MECOM: variants seen among roughly 807,000 people sequenced by gnomAD.
MECOM encodes the protein histone-lysine N-methyltransferase MECOM.
Under a neutral mutation model 116.3 loss-of-function variants are expected in MECOM, and 13 were observed. That is an observed-to-expected ratio of 0.11 (90% confidence interval 0.07 to 0.18). The LOEUF (loss-of-function observed/expected upper bound fraction) is 0.18, where lower values mean the gene tolerates loss of function less well. Ranked by LOEUF, MECOM falls within the 10% of genes least tolerant of loss-of-function variation. The pLI, the probability that MECOM is intolerant of heterozygous loss-of-function variation, is 1.00. For missense variants in MECOM, 1,299 were observed against 1,509.0 expected (o/e 0.86, Z 2.31); for synonymous variants, 528 against 535.2 (o/e 0.99, Z 0.19).
At chr3:169,419,170 A>G (rs1413612435) in intron 1 of MECOM, among the ~76,000 whole-genome samples, 2 of 152,240 alleles carry the variant, frequency 1.3e-5, no homozygotes, top group Non-Finnish European at 2.9e-5. Context: ...TAAAATACGT[A>G]GAAATACAAA....
intron 2 of MECOM, among the ~76,000 whole-genome samples, chr3:169,263,120 TA>T (rs1757790776): frequency 2.5e-4 from 22 of 88,212 alleles, no homozygotes; most frequent in African/African-American, 9.2e-4. Context: ...TATATATATA[TA>T]TATATATGTT....
Position 169,611,898 on chromosome 3 carries a change from T to C in MECOM, c.37+51438A>G, listed in dbSNP as rs1769320239. ...TCATAATATCTATGATCCTCCAGAG[T>C]CTAGAACACGGTTTCTAAATCTCAA... On this transcript the variant is annotated intron_variant, in intron 1 of 16. Coordinates refer to ENST00000651503, the MANE Select transcript of MECOM (RefSeq NM_004991.4). The surrounding 1 kb of genome is among the most constrained non-coding windows in gnomAD (Gnocchi z 4.1). Among the ~76,000 whole-genome samples the C allele has an allele frequency of 6.6e-6, 1 of 152,126 alleles. No homozygotes were observed. The highest frequency in any genetic ancestry group is 2.1e-4 in the South Asian group (1 of 4,816).
At chr3:169,430,643 C>T (rs1222873987) in intron 1 of MECOM, among the ~76,000 whole-genome samples, 1 of 152,130 alleles carries the variant, frequency 6.6e-6, no homozygotes, top group Non-Finnish European at 1.5e-5. Context: ...GTCTATTTTC[C>T]CTACCTGCTA....
intron 2 of MECOM, among the ~76,000 whole-genome samples, chr3:169,219,301 T>C (rs1164394089): frequency 6.6e-6 from 1 of 152,028 alleles, no homozygotes; most frequent in Non-Finnish European, 1.5e-5. Context: ...GGTCAGGAGA[T>C]CCAGACCATC....
At chr3:169,646,209 G>C (rs1438116454) in intron 1 of MECOM, among the ~76,000 whole-genome samples, 1 of 151,252 alleles carries the variant, frequency 6.6e-6, no homozygotes, top group Non-Finnish European at 1.5e-5. Flanking sequence ...ACATACGTGT[G>C]CATGTGCCAA....
chr3:169,476,729 C>T (rs191644176), intron 1 of MECOM, among the ~76,000 whole-genome samples: 2 of 152,098 alleles, frequency 1.3e-5, no homozygotes, highest in Admixed American at 6.5e-5. Flanking sequence ...TAAAATCTCG[C>T]CCTCCTGTGA....
intron 2 of MECOM, among the ~76,000 whole-genome samples, chr3:169,342,210 T>C (rs1294021310): frequency 1.3e-5 from 2 of 152,086 alleles, no homozygotes; most frequent in African/African-American, 4.8e-5. Flanking sequence ...ATGAAATATG[T>C]ATAATTTATA....
intron 2 of MECOM, among the ~76,000 whole-genome samples, chr3:169,231,090 A>C (rs1753338246): frequency 6.6e-6 from 1 of 152,076 alleles, no homozygotes; most frequent in Non-Finnish European, 1.5e-5. Context: ...ATCTTTGACA[A>C]TTCTGGATGT....
chr3:169,230,684 G>C (rs1318246505), intron 2 of MECOM, among the ~76,000 whole-genome samples: 1 of 152,122 alleles, frequency 6.6e-6, no homozygotes, highest in African/African-American at 2.4e-5. Flanking sequence ...GATTTCTGCT[G>C]AAGAGCAGAA....
At chr3:169,259,310 C>T (rs1202721192) in intron 2 of MECOM, among the ~76,000 whole-genome samples, 5 of 152,088 alleles carry the variant, frequency 3.3e-5, no homozygotes, top group Admixed American at 2.0e-4. Flanking sequence ...CTGAAGATAC[C>T]GACACCGGCT....
chr3:169,413,212 A>AC (rs1210618498), intron 1 of MECOM, among the ~76,000 whole-genome samples: 2 of 152,222 alleles, frequency 1.3e-5, no homozygotes, highest in African/African-American at 4.8e-5. Flanking sequence ...GGGCGAGCCG[A>AC]AGCAGGGTGA....
intron 2 of MECOM, among the ~76,000 whole-genome samples, chr3:169,256,649 AGATGCTG>A (rs1411194637): frequency 1.3e-5 from 2 of 152,196 alleles, no homozygotes; most frequent in African/African-American, 2.4e-5. Flanking sequence ...CTCCTTCGGG[AGATGCTG>A]GATGTTGGTT....
chr3:169,159,122 A>C (rs553814231), intron 2 of MECOM, among the ~76,000 whole-genome samples: 1 of 152,284 alleles, frequency 6.6e-6, no homozygotes, highest in East Asian at 1.9e-4. Context: ...AAAAAGGAAA[A>C]CACTTGGCCT....
At chr3:169,617,699 C>G (rs1770186103) in intron 1 of MECOM, among the ~76,000 whole-genome samples, 1 of 152,110 alleles carries the variant, frequency 6.6e-6, no homozygotes, top group Non-Finnish European at 1.5e-5. Flanking sequence ...AAGACTTGTC[C>G]CCTACCTCAT....
chr3:169,280,621 T>C (rs1711725202), intron 2 of MECOM, among the ~76,000 whole-genome samples: 1 of 152,176 alleles, frequency 6.6e-6, no homozygotes, highest in African/African-American at 2.4e-5. Context: ...GGCCACAGTG[T>C]AGGCTGTAGC....
chr3:169,540,970 G>T (rs544484880), intron 1 of MECOM, among the ~76,000 whole-genome samples: 2 of 152,284 alleles, frequency 1.3e-5, no homozygotes, highest in East Asian at 3.9e-4. Context: ...TAAACTGGGA[G>T]CCCTTCAAGA....
chr3:169,536,691 C>T (rs1327880090), intron 1 of MECOM, among the ~76,000 whole-genome samples: 2 of 152,178 alleles, frequency 1.3e-5, no homozygotes, highest in Non-Finnish European at 2.9e-5. Context: ...TGGCCACTTG[C>T]AATGGATAGG....
chr3:169,396,870 G>T (rs1345182571), intron 1 of MECOM, among the ~76,000 whole-genome samples: 1 of 152,136 alleles, frequency 6.6e-6, no homozygotes, highest in Non-Finnish European at 1.5e-5. Context: ...CTACTCAGGA[G>T]GCTGAGGTAG....
At chr3:169,100,363 T>G (rs1723177096) in intron 12 of MECOM, among the ~76,000 whole-genome samples, 1 of 152,014 alleles carries the variant, frequency 6.6e-6, no homozygotes, top group Admixed American at 6.6e-5. Context: ...CCTCCCAAAG[T>G]GTCGGGATTA....
Sources: gnomAD v4.1 joint callset for allele counts (sites outside exome capture counted in the v4.1 genomes callset) on GRCh38, gnomAD v4.1.1 for gene constraint, Gnocchi (gnomAD v3.1) non-coding constraint, MANE v1.5 for transcripts, NCBI Gene and HGNC (gene_info 2026-07-23, HGNC 2026-07-21) for gene names.